Variants in PRKCZ observed in about 807,000 individuals in gnomAD.
The protein encoded by PRKCZ is protein kinase C zeta type.
In PRKCZ, 33 loss-of-function variants were observed where a neutral mutation model predicts 79.5. The ratio of observed to expected loss-of-function variants is 0.41; its 90% confidence interval spans 0.31 to 0.55. PRKCZ has a LOEUF of 0.55. PRKCZ is among the 20% of genes least tolerant of loss of function. The pLI is 0.19. For missense variants in PRKCZ, 578 were observed against 813.5 expected (o/e 0.71, Z 3.52); for synonymous variants, 342 against 320.9 (o/e 1.07, Z -0.70).
At chr1:2,064,406 C>T (rs1042791573) in intron 4 of PRKCZ, among the ~76,000 whole-genome samples, 2 of 152,002 alleles carry the variant, frequency 1.3e-5, no homozygotes, top group African/African-American at 2.4e-5. Flanking sequence ...CTTTTGTTGC[C>T]TGTGTATTTG....
At chr1:2,156,969 G>T (rs1681178993) in intron 10 of PRKCZ, among the ~76,000 whole-genome samples, 1 of 152,126 alleles carries the variant, frequency 6.6e-6, no homozygotes, top group Non-Finnish European at 1.5e-5. Context: ...CTGGTTCATG[G>T]GATTATGGAG....
intron 3 of PRKCZ, 135 bp downstream of exon 3, chr1:2,056,708 C>A: frequency 2.9e-6 from 2 of 689,698 alleles, no homozygotes; most frequent in Non-Finnish European, 4.4e-6. Flanking sequence ...AATATAATGC[C>A]ATTTGGGTTT....
chr1:2,106,780 G>A (rs1413942481), intron 4 of PRKCZ, among the ~76,000 whole-genome samples: 4 of 128,768 alleles, frequency 3.1e-5, no homozygotes, highest in Admixed American at 7.9e-5. Flanking sequence ...ACCTCCACAC[G>A]TGTCACCAGG....
chr1:2,099,220 G>A (rs903674045), intron 4 of PRKCZ, among the ~76,000 whole-genome samples: 2 of 152,178 alleles, frequency 1.3e-5, no homozygotes, highest in Admixed American at 1.3e-4. Flanking sequence ...AAGTCGCTGG[G>A]ATATGAAATT....
intron 9 of PRKCZ, among the ~76,000 whole-genome samples, chr1:2,154,048 A>T (rs1324209293): frequency 6.6e-6 from 1 of 152,024 alleles, no homozygotes; most frequent in African/African-American, 2.4e-5. Flanking sequence ...TTGGGTGCTG[A>T]GTGATATGTG....
At chr1:2,184,210 A>G (rs994721071) in intron 16 of PRKCZ, 1 of 242,580 alleles carries the variant, frequency 4.1e-6, no homozygotes, top group Non-Finnish European at 8.2e-6. Context: ...GCCAGGTCCT[A>G]CACCTTTATG....
Position 2,117,998 on chromosome 1 carries a change from C to CCTTTTTTTTTTTTTTTT in PRKCZ, c.335-17264_335-17263insCTTTTTTTTTTTTTTTT, listed in dbSNP as rs58233626. 1.7e-4 allele frequency among the ~76,000 whole-genome samples: 11 copies of CCTTTTTTTTTTTTTTTT among 65,080 alleles called. 4 individuals carry two copies. Among genetic ancestry groups the CCTTTTTTTTTTTTTTTT allele is most frequent in the Admixed American group, 4.7e-4 (2 of 4,220 alleles). 42.7% of individuals were successfully genotyped at this position (65,080 alleles called of 152,430 possible). A position where few individuals can be genotyped will look rare whatever the true frequency, so the allele number is the denominator to read the frequency against. ...TATGAGAGAGATTAGCCTATTATTT[C>CCTTTTTTTTTTTTTTTT]TTTTTTTTTTTTTTTTGGAGTCTCA... is the stretch of plus-strand genomic sequence containing the variant. On this transcript the variant is annotated intron_variant, in intron 4 of 17. Coordinates refer to ENST00000378567, the MANE Select transcript of PRKCZ (RefSeq NM_002744.6).
intron 7 of PRKCZ, 42 bp from the exon 8 acceptor site, chr1:2,148,830 G>C: frequency 1.2e-6 from 2 of 1,604,058 alleles, no homozygotes; most frequent in Non-Finnish European, 1.7e-6. Flanking sequence ...GTGCGTTCCT[G>C]ACCACACCGT....
At chr1:2,056,354 G>A (rs1353438442) in intron 2 of PRKCZ, 130 bp from the exon 3 acceptor site, 2 of 793,272 alleles carry the variant, frequency 2.5e-6, no homozygotes, top group South Asian at 2.0e-5. Flanking sequence ...ACCCTGCCAG[G>A]AGGTGGCCAG....
chr1:2,099,720 G>C (rs967382637), intron 4 of PRKCZ, among the ~76,000 whole-genome samples: 2 of 152,176 alleles, frequency 1.3e-5, no homozygotes, highest in Non-Finnish European at 1.5e-5. Flanking sequence ...AGGGCCCCTC[G>C]GGAGCCCCTG....
intron 9 of PRKCZ, among the ~76,000 whole-genome samples, chr1:2,155,448 ATGG>A (rs771626961): frequency 5.2e-4 from 69 of 133,072 alleles, no homozygotes; most frequent in African/African-American, 1.2e-3. Flanking sequence ...GATGGTGATG[ATGG>A]TGGTGGTGAT....
At chr1:2,134,568 G>A (rs530119200) in intron 4 of PRKCZ, among the ~76,000 whole-genome samples, 1 of 151,776 alleles carries the variant, frequency 6.6e-6, no homozygotes, top group African/African-American at 2.4e-5. Flanking sequence ...GGCACAGTCC[G>A]CATGGGCTGG....
chr1:2,129,603 A>G (rs561200777), intron 4 of PRKCZ, among the ~76,000 whole-genome samples: 2 of 152,294 alleles, frequency 1.3e-5, no homozygotes, highest in East Asian at 1.9e-4. Context: ...GTAACAGTGT[A>G]GCAGGCGGGT....
At chr1:2,083,098 G>A (rs527846191) in intron 4 of PRKCZ, among the ~76,000 whole-genome samples, 4 of 152,164 alleles carry the variant, frequency 2.6e-5, no homozygotes, top group African/African-American at 9.7e-5. Context: ...TTTCAAACAC[G>A]TATCGTTAGC....
chr1:2,118,099 C>T (rs549280738), intron 4 of PRKCZ, among the ~76,000 whole-genome samples: 3 of 147,100 alleles, frequency 2.0e-5, no homozygotes, highest in African/African-American at 7.6e-5. Flanking sequence ...CTGGTTCAAG[C>T]GATTCTCCTG....
intron 10 of PRKCZ, among the ~76,000 whole-genome samples, chr1:2,161,667 G>A (rs370029432): frequency 1.3e-5 from 2 of 152,188 alleles, no homozygotes; most frequent in Non-Finnish European, 2.9e-5. Flanking sequence ...ATTGCCATTC[G>A]GGGTCACGTT....
intron 5 of PRKCZ, among the ~76,000 whole-genome samples, chr1:2,137,039 A>T (rs1178446948): frequency 2.6e-5 from 4 of 152,164 alleles, no homozygotes; most frequent in African/African-American, 9.7e-5. Flanking sequence ...GAAAGAAGCC[A>T]GCAGTGGCTC....
chr1:2,054,627 C>G (rs1347440819), intron 1 of PRKCZ, among the ~76,000 whole-genome samples: 2 of 152,056 alleles, frequency 1.3e-5, no homozygotes, highest in African/African-American at 4.8e-5. Flanking sequence ...GACCCAGTGC[C>G]CACTCCGGGG....
intron 4 of PRKCZ, among the ~76,000 whole-genome samples, chr1:2,121,422 C>A (rs1054058797): frequency 7.6e-6 from 1 of 131,502 alleles, no homozygotes; most frequent in Admixed American, 7.4e-5. Context: ...GGAGACGAAG[C>A]CTTTGACAGG....
Sources: allele counts gnomAD v4.1 joint callset (sites outside exome capture counted in the v4.1 genomes callset), GRCh38; gene constraint gnomAD v4.1.1; transcripts MANE v1.5; gene names NCBI Gene and HGNC (gene_info 2026-07-23, HGNC 2026-07-21).